Variants in RIMS2 observed in about 807,000 individuals in gnomAD.
The protein encoded by RIMS2 is regulating synaptic membrane exocytosis protein 2.
RIMS2 carries 59 observed loss-of-function variants against 174.4 expected under a neutral mutation model. The observed-to-expected ratio is 0.34, with a 90% CI of 0.27 to 0.42. The LOEUF is 0.42. Among genes scored for constraint, RIMS2 ranks in the 10% least tolerant of loss-of-function variants. The pLI is 1.00. For synonymous variants in RIMS2, 606 were observed against 572.5 expected (o/e 1.06, Z -0.84); for missense variants, 1,620 against 1,666.3 (o/e 0.97, Z 0.48).
chr8:103,555,645 A>C lies in RIMS2; in HGVS notation c.176+54583A>C, dbSNP rs148792482. Among the ~76,000 whole-genome samples the C allele has an allele frequency of 7.2e-5, 11 of 152,150 alleles. No individual in the cohort carries two copies. The East Asian group carries it at 2.1e-3, about 29-fold the overall frequency. ...TTCATCAACAGATGAATAAAGAAAA[A>C]ATCTGGCCAGGCATGGTGGTTAATG... On this transcript the variant is annotated intron_variant, in intron 1 of 23. Transcript: ENST00000504942.
intron 1 of RIMS2, among the ~76,000 whole-genome samples, chr8:103,607,175 G>A (rs562311592): frequency 4.6e-5 from 7 of 151,964 alleles, no homozygotes; most frequent in Non-Finnish European, 8.8e-5. Context: ...CTTCCTTCAG[G>A]AGCTCTTTTA....
intron 1 of RIMS2, among the ~76,000 whole-genome samples, chr8:103,552,848 CTCA>C (rs1292382828): frequency 6.6e-6 from 1 of 152,152 alleles, no homozygotes; most frequent in African/African-American, 2.4e-5. Flanking sequence ...TGAAAAAATG[CTCA>C]TCATTACTGG....
chr8:104,219,696 C>CA (rs1284700874), intron 19 of RIMS2, among the ~76,000 whole-genome samples: 2 of 152,042 alleles, frequency 1.3e-5, no homozygotes, highest in African/African-American at 4.8e-5. Flanking sequence ...ATTTGTGACT[C>CA]ACTTTTTCTC....
chr8:104,045,922 A>AT (rs5893674), intron 19 of RIMS2, among the ~76,000 whole-genome samples: 57,831 of 151,652 alleles, frequency 0.38, 11,284 homozygotes, highest in Non-Finnish European at 0.42. Context: ...TTGTGTTGTA[A>AT]TATAATGTTT....
In RIMS2 at chr8:103,626,113, G is replaced by T. The variant is rs569269887; in HGVS notation, c.177-70973G>T. 3.3e-5 allele frequency among the ~76,000 whole-genome samples: 5 copies of T among 152,014 alleles called. No homozygotes were observed. The South Asian group carries it at 1.0e-3, about 32-fold the overall frequency. ...TTCTTTATATTTTACCACTTTAGAT[G>T]GTACATTATCTGAAACATAGGGATA... On this transcript the variant is annotated intron_variant, in intron 1 of 23. Coordinates refer to ENST00000504942, the Ensembl canonical transcript of RIMS2.
intron 1 of RIMS2, among the ~76,000 whole-genome samples, chr8:103,574,072 A>C (rs2093029971): frequency 7.0e-6 from 1 of 143,310 alleles, no homozygotes; most frequent in Admixed American, 6.7e-5. Context: ...AGTAAGCAAT[A>C]CTTTTTTTTT....
chr8:104,131,237 G>A (rs1312818068), intron 19 of RIMS2, among the ~76,000 whole-genome samples: 2 of 152,244 alleles, frequency 1.3e-5, no homozygotes, highest in Admixed American at 1.3e-4. Flanking sequence ...GTAGCTATTA[G>A]CGTTGTTATT....
chr8:103,695,517 G>A (rs900231893), intron 1 of RIMS2, among the ~76,000 whole-genome samples: 1 of 151,614 alleles, frequency 6.6e-6, no homozygotes, highest in African/African-American at 2.4e-5. Context: ...TTTTCCATAT[G>A]ATACTTCCAA....
chr8:103,597,380 C>A (rs2133569766), intron 1 of RIMS2, among the ~76,000 whole-genome samples: 1 of 152,148 alleles, frequency 6.6e-6, no homozygotes, highest in East Asian at 1.9e-4. Context: ...TTTCTGTTGG[C>A]CTTGTTTCCT....
At chr8:103,659,335 A>G (rs2096568688) in intron 1 of RIMS2, among the ~76,000 whole-genome samples, 1 of 152,086 alleles carries the variant, frequency 6.6e-6, no homozygotes, top group African/African-American at 2.4e-5. Context: ...CTGCAGAAGT[A>G]TGGTACCAGA....
At chr8:104,166,212 G>A (rs540331631) in intron 19 of RIMS2, among the ~76,000 whole-genome samples, 183 of 151,486 alleles carry the variant, frequency 1.2e-3, no homozygotes, top group Non-Finnish European at 2.2e-3. Context: ...GACTACAGGC[G>A]CCCGCCACCA....
At position 104,230,665 on chromosome 8, in the gene RIMS2, A is replaced by G. The variant is rs556957943; in HGVS notation, c.3335-14251A>G. On this transcript the variant is annotated intron_variant, in intron 19 of 23. Coordinates refer to ENST00000504942, the Ensembl canonical transcript of RIMS2. ...TGTCTCAAAAAAATAAAAATGAAATAAAATAAAATAAAATAATTGGTTGTT... is the reference window on the plus strand; with the variant it reads ...TGTCTCAAAAAAATAAAAATGAAATGAAATAAAATAAAATAATTGGTTGTT... Among the ~76,000 whole-genome samples, 38 of 152,324 alleles carry G rather than the reference A, an allele frequency of 2.5e-4. No homozygotes were observed. The East Asian group carries it at 5.4e-3, about 22-fold the overall frequency.
intron 19 of RIMS2, among the ~76,000 whole-genome samples, chr8:104,031,277 T>G (rs1310071784): frequency 1.3e-5 from 2 of 152,134 alleles, no homozygotes; most frequent in African/African-American, 4.8e-5. Flanking sequence ...ATTGTAATTC[T>G]ATATAAACAT....
intron 2 of RIMS2, 61 bp from the exon 6 acceptor site, chr8:103,766,166 T>A: frequency 8.0e-7 from 1 of 1,248,136 alleles, no homozygotes; most frequent in Non-Finnish European, 1.1e-6. Flanking sequence ...TTTTTGTCTC[T>A]TTTTATTTGT....
chr8:103,591,009 GGTATTTTATACCTTTTGGGA>G (rs908102592), intron 1 of RIMS2, among the ~76,000 whole-genome samples: 2 of 150,602 alleles, frequency 1.3e-5, no homozygotes, highest in African/African-American at 2.4e-5. Flanking sequence ...CACCAAAAAA[GGTATTTTATACCTTTTGGGA>G]GTATTTTATA....
intron 2 of RIMS2, among the ~76,000 whole-genome samples, chr8:103,710,884 T>C (rs1317988001): frequency 1.3e-5 from 2 of 152,190 alleles, no homozygotes; most frequent in Non-Finnish European, 2.9e-5. Flanking sequence ...TGAAATATAT[T>C]GATATACATT....
At chr8:103,807,920 A>G (rs1047480860) in intron 3 of RIMS2, among the ~76,000 whole-genome samples, 2 of 152,176 alleles carry the variant, frequency 1.3e-5, no homozygotes, top group African/African-American at 4.8e-5. Flanking sequence ...TTAGATTGAA[A>G]TACATTTAGA....
intron 1 of RIMS2, among the ~76,000 whole-genome samples, chr8:103,621,738 G>T (rs17807832): frequency 0.064 from 9,729 of 152,276 alleles, 396 homozygotes; most frequent in South Asian, 0.088. Context: ...CACAATTTTT[G>T]AACAATGCTT....
chr8:103,592,124 A>C (rs971348866), intron 1 of RIMS2, among the ~76,000 whole-genome samples: 1 of 151,196 alleles, frequency 6.6e-6, no homozygotes, highest in Non-Finnish European at 1.5e-5. Flanking sequence ...GTAATCAATA[A>C]AACTTAAAGG....
Sources: gnomAD v4.1 joint callset for allele counts (sites outside exome capture counted in the v4.1 genomes callset) on GRCh38, gnomAD v4.1.1 for gene constraint, MANE v1.5 for transcripts, NCBI Gene and HGNC (gene_info 2026-07-23, HGNC 2026-07-21) for gene names.